Variants in PDHX observed in about 807,000 individuals in gnomAD.
PDHX encodes pyruvate dehydrogenase complex component X, also known as pyruvate dehydrogenase protein X component, mitochondrial.
In PDHX, 33 loss-of-function variants were observed where a neutral mutation model predicts 55.3. The ratio of observed to expected loss-of-function variants is 0.60; its 90% CI spans 0.45 to 0.80. The LOEUF is 0.80. PDHX is among the 30% of genes least tolerant of loss of function. PDHX has a pLI of 0.00. For missense variants in PDHX, 622 were observed against 619.9 expected, an observed-to-expected ratio of 1.00 and a Z score of -0.04; for synonymous variants, 226 against 219.4, an observed-to-expected ratio of 1.03 and a Z score of -0.27.
In PDHX at chr11:34,970,297, T is replaced by C. The variant is rs761180121; in HGVS notation, c.964+11T>C. On this transcript the variant is annotated intron_variant, in intron 7 of 10. Coordinates refer to ENST00000227868, the MANE Select transcript of PDHX (RefSeq NM_003477.3). ...AAGATCTGGTCAAAGGTTAGTAAAATTGAATTTACTTAATACAAAACACAT... is the reference window on the plus strand; with the variant it reads ...AAGATCTGGTCAAAGGTTAGTAAAACTGAATTTACTTAATACAAAACACAT... 26 of 1,604,314 alleles carry C rather than the reference T, an allele frequency of 1.6e-5. No homozygotes were observed. The highest frequency in any genetic ancestry group is 2.1e-5 in the Non-Finnish European group (25 of 1,171,414).
At chr11:34,981,827 C>T (rs1400650617) in intron 8 of PDHX, among the ~76,000 whole-genome samples, 3 of 152,250 alleles carry the variant, frequency 2.0e-5, no homozygotes, top group Non-Finnish European at 2.9e-5. Context: ...TCATATCCCT[C>T]GCCCACTTGT....
intron 3 of PDHX, among the ~76,000 whole-genome samples, chr11:34,949,381 A>T (rs1037428905): frequency 1.6e-5 from 2 of 127,096 alleles, no homozygotes; most frequent in Non-Finnish European, 3.1e-5. Flanking sequence ...CTGAGATTAC[A>T]GGCATGTGCC....
intron 1 of PDHX, among the ~76,000 whole-genome samples, chr11:34,927,116 A>G (rs1392316331): frequency 6.6e-6 from 1 of 152,130 alleles, no homozygotes; most frequent in Non-Finnish European, 1.5e-5. Context: ...AGTCATTTAA[A>G]AATTTTTAAA....
intron 2 of PDHX, among the ~76,000 whole-genome samples, chr11:34,946,384 T>G (rs1854620526): frequency 1.3e-5 from 2 of 152,214 alleles, no homozygotes; most frequent in African/African-American, 4.8e-5. Context: ...CAGATTGCAC[T>G]AAATAAATTG....
chr11:34,979,187 T>C (rs774471375), intron 8 of PDHX, among the ~76,000 whole-genome samples: 1 of 152,180 alleles, frequency 6.6e-6, no homozygotes, highest in Non-Finnish European at 1.5e-5. Flanking sequence ...GAGTTTTCCA[T>C]GTACTAAGAT....
intron 1 of PDHX, among the ~76,000 whole-genome samples, chr11:34,927,999 G>T (rs1282047247): frequency 6.6e-6 from 1 of 152,004 alleles, no homozygotes; most frequent in Non-Finnish European, 1.5e-5. Flanking sequence ...AAATTTTTGA[G>T]GTTCTTGATG....
intron 1 of PDHX, among the ~76,000 whole-genome samples, chr11:34,922,250 T>A (rs1185029236): frequency 6.6e-6 from 1 of 152,198 alleles, no homozygotes; most frequent in Non-Finnish European, 1.5e-5. Context: ...TAACTCTGAG[T>A]ACATATGCAC....
At chr11:34,941,994 A>G (rs935452644) in intron 2 of PDHX, 4 of 152,514 alleles carry the variant, frequency 2.6e-5, no homozygotes, top group African/African-American at 7.2e-5. Context: ...TCTTTCTTCA[A>G]TCAGTCAGCT....
intron 10 of PDHX, among the ~76,000 whole-genome samples, chr11:34,993,731 G>A (rs2732564): frequency 0.6 from 91,240 of 151,892 alleles, 28,898 homozygotes; most frequent in East Asian, 0.75. Context: ...CTGGCTTTTC[G>A]TATTTCCAAA....
chr11:34,944,754 C>T (rs1457611382), intron 2 of PDHX, among the ~76,000 whole-genome samples: 1 of 152,052 alleles, frequency 6.6e-6, no homozygotes, highest in Admixed American at 6.5e-5. Context: ...TTATATGTTA[C>T]ATATTTTTTA....
At chr11:34,977,999 A>G (rs1366723378) in intron 7 of PDHX, 125 bp from the exon 8 acceptor site, 1 of 664,248 alleles carries the variant, frequency 1.5e-6, no homozygotes, top group African/African-American at 1.8e-5. Flanking sequence ...CTAAGCAAAC[A>G]AAAGCTTGTA....
chr11:34,965,997 C>G (rs1855122879), intron 5 of PDHX, among the ~76,000 whole-genome samples: 1 of 152,090 alleles, frequency 6.6e-6, no homozygotes, highest in Admixed American at 6.5e-5. Context: ...ATTATATCCT[C>G]TTACAAGACA....
intron 1 of PDHX, among the ~76,000 whole-genome samples, chr11:34,922,864 T>TTGTGTGTGTG (rs60096111): frequency 0.027 from 3,816 of 143,350 alleles, 75 homozygotes; most frequent in South Asian, 0.079. Context: ...CAAAGTATCG[T>TTGTGTGTGTG]TGTGTGTGTG....
chr11:34,928,580 T>C (rs1854081668), intron 1 of PDHX, among the ~76,000 whole-genome samples: 1 of 151,978 alleles, frequency 6.6e-6, no homozygotes, highest in Admixed American at 6.6e-5. Flanking sequence ...GATTTTTTCA[T>C]CAAGCCATGT....
chr11:34,988,571 AAAAG>A (rs1467313217), intron 9 of PDHX, among the ~76,000 whole-genome samples: 1 of 151,852 alleles, frequency 6.6e-6, no homozygotes, highest in Middle Eastern at 3.2e-3. Context: ...AAAAAAAAAA[AAAAG>A]AAACTTGAGA....
intron 9 of PDHX, among the ~76,000 whole-genome samples, chr11:34,989,336 G>A (rs776049885): frequency 2.6e-5 from 4 of 152,138 alleles, no homozygotes; most frequent in Non-Finnish European, 2.9e-5. Context: ...GGTCTTTGAA[G>A]TATCCCCTGC....
At chr11:34,916,884 G>T (rs1239867094) in intron 1 of PDHX, 69 bp downstream of exon 1, 2 of 1,411,204 alleles carry the variant, frequency 1.4e-6, no homozygotes, top group African/African-American at 1.4e-5. Flanking sequence ...GGGCAGTTAT[G>T]ATTGAGGGCC....
chr11:34,986,647 G>A (rs556464216), intron 9 of PDHX, among the ~76,000 whole-genome samples: 10 of 152,198 alleles, frequency 6.6e-5, no homozygotes, highest in South Asian at 2.1e-4. Context: ...TACATAAGTC[G>A]TAAGTAGTTA....
At chr11:34,978,091 A>T (rs1565167665) in intron 7 of PDHX, 33 bp from the exon 8 acceptor site, 1 of 1,100,336 alleles carries the variant, frequency 9.1e-7, no homozygotes, top group Non-Finnish European at 1.4e-6. Context: ...TATATTAGGA[A>T]TACTAATTTT....
Sources: allele counts gnomAD v4.1 joint callset (sites outside exome capture counted in the v4.1 genomes callset), GRCh38; gene constraint gnomAD v4.1.1; transcripts MANE v1.5; gene names NCBI Gene and HGNC (gene_info 2026-07-23, HGNC 2026-07-21).